Variants in KCNH7 observed in about 807,000 individuals in gnomAD.
The protein encoded by KCNH7 is potassium voltage-gated channel subfamily H member 7.
Under a neutral mutation model 120.8 loss-of-function variants are expected in KCNH7, and 49 were observed. The observed-to-expected ratio is 0.41, with a 90% CI of 0.32 to 0.51. KCNH7 has a LOEUF of 0.51. Ranked by LOEUF, KCNH7 falls within the 20% of genes least tolerant of loss-of-function variation. The probability of loss-of-function intolerance (pLI) is 0.38; values close to 1 mark genes in which losing one functional copy is unlikely to be tolerated. For missense variants in KCNH7, 1,097 were observed against 1,446.6 expected, an observed-to-expected ratio of 0.76 and a Z score of 3.92; for synonymous variants, 547 against 516.1, an observed-to-expected ratio of 1.06 and a Z score of -0.81.
At chr2:162,728,878 T>C (rs1367143826) in intron 2 of KCNH7, among the ~76,000 whole-genome samples, 2 of 152,188 alleles carry the variant, frequency 1.3e-5, no homozygotes, top group Non-Finnish European at 2.9e-5. Flanking sequence ...CTTTGCTTAA[T>C]GCAAAAGTAT....
intron 2 of KCNH7, among the ~76,000 whole-genome samples, chr2:162,720,848 T>C (rs1319613274): frequency 2.0e-5 from 3 of 152,150 alleles, no homozygotes; most frequent in African/African-American, 7.2e-5. Context: ...AGTTTGTGAA[T>C]ACTAGAAGAA....
chr2:162,407,095 C>A (rs1687250507), intron 9 of KCNH7, among the ~76,000 whole-genome samples: 1 of 151,998 alleles, frequency 6.6e-6, no homozygotes, highest in South Asian at 2.1e-4. Context: ...GTATAAACAT[C>A]ACATAAGGCC....
At chr2:162,636,671 C>A (rs1228999097) in intron 2 of KCNH7, among the ~76,000 whole-genome samples, 2 of 152,032 alleles carry the variant, frequency 1.3e-5, no homozygotes, top group African/African-American at 4.8e-5. Context: ...TATTCTGTTG[C>A]TTTTAGGTAT....
chr2:162,589,579 CA>C (rs1694134964), intron 2 of KCNH7, among the ~76,000 whole-genome samples: 1 of 152,060 alleles, frequency 6.6e-6, no homozygotes, highest in African/African-American at 2.4e-5. Context: ...ATAAATATCT[CA>C]AGCATAATCA....
chr2:162,682,178 C>T (rs969215311), intron 2 of KCNH7, among the ~76,000 whole-genome samples: 4 of 151,578 alleles, frequency 2.6e-5, no homozygotes, highest in African/African-American at 7.3e-5. Context: ...ACCTCCTTTC[C>T]CTCCAATTCA....
At chr2:162,780,417 A>G (rs1037339254) in intron 2 of KCNH7, among the ~76,000 whole-genome samples, 4 of 152,130 alleles carry the variant, frequency 2.6e-5, no homozygotes, top group Non-Finnish European at 5.9e-5. Flanking sequence ...ATCATTTACT[A>G]CCACTACAAA....
intron 2 of KCNH7, among the ~76,000 whole-genome samples, chr2:162,592,350 T>C (rs1488260969): frequency 1.3e-5 from 2 of 152,090 alleles, no homozygotes; most frequent in Non-Finnish European, 2.9e-5. Flanking sequence ...GTCAGAGAGA[T>C]ATCCTTAAGT....
intron 2 of KCNH7, among the ~76,000 whole-genome samples, chr2:162,577,336 T>TC (rs1427968828): frequency 3.1e-4 from 37 of 120,838 alleles, no homozygotes; most frequent in African/African-American, 1.0e-3. Flanking sequence ...TATCTGTCTA[T>TC]CATCTATCCA....
intron 2 of KCNH7, among the ~76,000 whole-genome samples, chr2:162,681,762 G>A (rs537644848): frequency 4.6e-5 from 7 of 150,942 alleles, no homozygotes; most frequent in South Asian, 2.1e-4. Context: ...AAGTGTATAC[G>A]TGTTTAAATT....
chr2:162,608,725 G>A (rs1478327130), intron 2 of KCNH7, among the ~76,000 whole-genome samples: 1 of 152,112 alleles, frequency 6.6e-6, no homozygotes, highest in Non-Finnish European at 1.5e-5. Context: ...CTCCACATGT[G>A]TTAGTGTAAC....
At chr2:162,755,696 T>C (rs577552771) in intron 2 of KCNH7, among the ~76,000 whole-genome samples, 5 of 152,208 alleles carry the variant, frequency 3.3e-5, no homozygotes, top group Admixed American at 1.3e-4. Context: ...ACAATTTCAA[T>C]CCAATACAGA....
At chr2:162,632,743 G>C (rs1423823063) in intron 2 of KCNH7, among the ~76,000 whole-genome samples, 2 of 151,768 alleles carry the variant, frequency 1.3e-5, no homozygotes, top group African/African-American at 4.8e-5. Flanking sequence ...AGAAGGGATA[G>C]ACTATTAAAT....
In KCNH7 at chr2:162,379,855, G is replaced by A. The variant is rs1208089701; in HGVS notation, c.3129C>T (p.Asn1043=). Residue 1043 remains asparagine, a splice_region_variant and synonymous_variant, in exon 14 of 16, where the codon AAC becomes AAT. Transcript: ENST00000332142. ...QRLDLLQEQL[N]RLESQMTTDI... is the part of the protein sequence containing the mutation. Reference sequence around the variant, plus strand: ...CTTTTGCCCATCACTGCTTATACCTGTTAAGTTGCTCCTGGAGCAGATCTA... The same window carrying A: ...CTTTTGCCCATCACTGCTTATACCTATTAAGTTGCTCCTGGAGCAGATCTA... 15 of 1,613,912 alleles carry A rather than the reference G, an allele frequency of 9.3e-6. No individual in the cohort carries two copies. The highest frequency in any genetic ancestry group is 1.3e-5 in the Non-Finnish European group (15 of 1,179,854).
intron 2 of KCNH7, among the ~76,000 whole-genome samples, chr2:162,689,543 C>T (rs572863443): frequency 6.6e-6 from 1 of 152,178 alleles, no homozygotes; most frequent in South Asian, 2.1e-4. Flanking sequence ...AAACACAATG[C>T]CTACAATAAC....
intron 2 of KCNH7, among the ~76,000 whole-genome samples, chr2:162,578,428 C>T (rs553347914): frequency 4.0e-5 from 6 of 151,866 alleles, no homozygotes; most frequent in Non-Finnish European, 7.4e-5. Context: ...AGAGAGAAAC[C>T]GGTGACACAT....
At chr2:162,411,788 T>A (rs551174342) in intron 9 of KCNH7, among the ~76,000 whole-genome samples, 1 of 151,754 alleles carries the variant, frequency 6.6e-6, no homozygotes. Context: ...AAAATTGAAA[T>A]CAACTTTTTT....
rs1048405270 is a variant in KCNH7, at chr2:162,660,356, T to C, written c.308-123276A>G. On this transcript the variant is annotated intron_variant, in intron 2 of 15. Coordinates refer to ENST00000332142, the MANE Select transcript of KCNH7 (RefSeq NM_033272.4). ...CCATTTAGTTCAAAGTCTTTTTAAT[T>C]TCTCTTAAAATTTCTTGTTTGACCC... 2.0e-5 allele frequency among the ~76,000 whole-genome samples: 3 copies of C among 152,184 alleles called. No individual in the cohort carries two copies. In the East Asian group the frequency reaches 5.8e-4, roughly 29 times the overall value.
At chr2:162,474,248 C>G (rs947730383) in intron 6 of KCNH7, among the ~76,000 whole-genome samples, 13 of 152,136 alleles carry the variant, frequency 8.5e-5, no homozygotes, top group African/African-American at 2.9e-4. Flanking sequence ...GGCTTTAGAG[C>G]CTAAGACTTT....
intron 2 of KCNH7, among the ~76,000 whole-genome samples, chr2:162,704,639 A>T (rs557419000): frequency 1.5e-4 from 23 of 152,312 alleles, no homozygotes; most frequent in Admixed American, 4.6e-4. Flanking sequence ...ATACAATACA[A>T]AAAGAACCCT....
Sources: gnomAD v4.1 joint callset for allele counts (sites outside exome capture counted in the v4.1 genomes callset) on GRCh38, gnomAD v4.1.1 for gene constraint, MANE v1.5 for transcripts, NCBI Gene and HGNC (gene_info 2026-07-23, HGNC 2026-07-21) for gene names.